Variants in PCDHA7 observed in about 807,000 individuals in gnomAD.
PCDHA7 encodes protocadherin alpha 7.
PCDHA7 carries 37 observed loss-of-function variants against 57.2 expected under a neutral mutation model. That is an observed-to-expected ratio of 0.65 (90% CI 0.50 to 0.85). The LOEUF (loss-of-function observed/expected upper bound fraction) is 0.85, where lower values mean the gene tolerates loss of function less well. Ranked by LOEUF, PCDHA7 falls within the 40% of genes least tolerant of loss-of-function variation. The pLI, the probability that PCDHA7 is intolerant of heterozygous loss-of-function variation, is 0.00. For synonymous variants in PCDHA7, 553 were observed against 558.8 expected (o/e 0.99, Z 0.15); for missense variants, 1,188 against 1,241.8 (o/e 0.96, Z 0.65).
chr5:140,843,708 G>T (rs2150365442), intron 1 of PCDHA7: 8 of 1,577,200 alleles, frequency 5.1e-6, no homozygotes, highest in African/African-American at 1.3e-5. Context: ...GTTGATCATG[G>T]CCTCAAAGTA....
intron 1 of PCDHA7, chr5:140,847,368 A>G (rs1038901012): frequency 6.7e-6 from 1 of 149,822 alleles, no homozygotes; most frequent in African/African-American, 2.4e-5. Flanking sequence ...AATACGAAAT[A>G]AAAGATAAAT....
At chr5:140,881,347 C>T in intron 1 of PCDHA7, 1 of 985,212 alleles carries the variant, frequency 1.0e-6, no homozygotes, top group Non-Finnish European at 1.2e-6. Context: ...ATTCGGGCTA[C>T]AATGCGTGGC....
At chr5:140,914,788 T>G (rs2076845575) in intron 1 of PCDHA7, among the ~76,000 whole-genome samples, 1 of 152,192 alleles carries the variant, frequency 6.6e-6, no homozygotes, top group South Asian at 2.1e-4. Context: ...TTATGACCCA[T>G]TATTTTAAAC....
At chr5:140,882,987 CG>C in intron 1 of PCDHA7, 1 of 1,614,110 alleles carries the variant, frequency 6.2e-7, no homozygotes, top group South Asian at 1.1e-5. Flanking sequence ...GACAACGCCC[CG>C]GAATTTTACC....
chr5:140,967,529 C>A, intron 1 of PCDHA7: 1 of 1,613,244 alleles, frequency 6.2e-7, no homozygotes, highest in South Asian at 1.1e-5. Context: ...CGACAACTCT[C>A]CTGCCTTTGA....
intron 1 of PCDHA7, chr5:140,968,853 A>G (rs782470050): frequency 3.7e-6 from 6 of 1,614,108 alleles, no homozygotes; most frequent in Non-Finnish European, 4.2e-6. Context: ...AGGCATGTTA[A>G]GAGCCCTCGG....
At chr5:140,987,938 C>G (rs2153869339) in intron 3 of PCDHA7, among the ~76,000 whole-genome samples, 1 of 152,208 alleles carries the variant, frequency 6.6e-6, no homozygotes, top group East Asian at 1.9e-4. Context: ...AGGATTCTTA[C>G]CTGTCTGACA....
chr5:140,891,589 C>T (rs1459113596), intron 1 of PCDHA7, among the ~76,000 whole-genome samples: 1 of 152,166 alleles, frequency 6.6e-6, no homozygotes, highest in East Asian at 1.9e-4. Context: ...TCTTATTACT[C>T]TATCCCATCT....
intron 1 of PCDHA7, chr5:140,881,443 G>A: frequency 1.2e-6 from 1 of 818,722 alleles, no homozygotes; most frequent in Non-Finnish European, 1.5e-6. Context: ...TATAAAAACA[G>A]AATCCAAAAC....
chr5:140,927,317 G>T (rs782172424), intron 1 of PCDHA7: 3 of 1,614,146 alleles, frequency 1.9e-6, no homozygotes, highest in Admixed American at 1.7e-5. Flanking sequence ...CCCGGAGCCC[G>T]CTTTACTCTC....
chr5:141,009,494 A>G (rs1554262180), intron 3 of PCDHA7, 133 bp from the exon 4 acceptor site: 16 of 1,488,800 alleles, frequency 1.1e-5, no homozygotes, highest in Non-Finnish European at 1.4e-5. Flanking sequence ...TTGCCCTCAG[A>G]CTTGAACAAA....
At chr5:140,874,492 C>G (rs1289000541) in intron 1 of PCDHA7, among the ~76,000 whole-genome samples, 2 of 152,196 alleles carry the variant, frequency 1.3e-5, no homozygotes, top group Non-Finnish European at 2.9e-5. Context: ...AGGTTGATAT[C>G]AAGTTCACAT....
chr5:140,857,420 G>A (rs2044582609), intron 1 of PCDHA7: 2 of 1,598,360 alleles, frequency 1.3e-6, no homozygotes, highest in Non-Finnish European at 1.7e-6. Flanking sequence ...CGCGCAGTCC[G>A]AGTACACGGT....
At position 140,871,095 on chromosome 5, in the gene PCDHA7, GC is replaced by G; in HGVS notation, c.2355+34358del. On this transcript the variant is annotated intron_variant, in intron 1 of 3. Coordinates refer to ENST00000525929, the MANE Select transcript of PCDHA7 (RefSeq NM_018910.3). ...CGGCGCTGACGGCCACGGCCACCGT[GC>G]TGGTGTCGTTGGTGGAGAGCGGACA... The G allele has an allele frequency of 4.3e-6, 7 of 1,613,278 alleles. No individual in the cohort carries two copies. In the South Asian group the frequency reaches 5.5e-5, roughly 13 times the overall value.
chr5:140,952,658 C>T (rs2094779074), intron 1 of PCDHA7, among the ~76,000 whole-genome samples: 1 of 152,196 alleles, frequency 6.6e-6, no homozygotes. Flanking sequence ...TACCCAGTTC[C>T]AAAGTCACTT....
chr5:140,836,667 G>T lies in PCDHA7; in HGVS notation c.2284G>T (p.Glu762Ter). The change falls in exon 1 of 4, where the codon GAG becomes TAG. Residue 762 changes from glutamate to a stop codon, truncating the protein, a stop_gained. Coordinates refer to ENST00000525929, the MANE Select transcript of PCDHA7 (RefSeq NM_018910.3). LOFTEE classifies it high-confidence loss of function. The stretch of plus-strand genomic sequence containing the variant: ...GAGGCGGCAGAGGGTGTGCTCTGGG[G>T]AGGGCCCACCCAAGACAGACCTCAT... ...QQRRQRVCSG[E>*]GPPKTDLMAF... 6.2e-7 allele frequency: 1 copy of T among 1,613,396 alleles called. No individual in the cohort carries two copies. Among genetic ancestry groups the T allele is most frequent in the Non-Finnish European group, 8.5e-7 (1 of 1,179,566 alleles).
chr5:140,857,659 C>G lies in PCDHA7; in HGVS notation c.2355+20921C>G, dbSNP rs200404988. On this transcript the variant is annotated intron_variant, in intron 1 of 3. Transcript: ENST00000525929. ...TGCTACAGTTCCAGGTGAGCGCGCG[C>G]GATGGGGGCGTGCCGCCTCTGGGCA... is the stretch of plus-strand genomic sequence containing the variant. 3.8e-6 allele frequency: 6 copies of G among 1,596,596 alleles called. No individual in the cohort carries two copies. In the Admixed American group the frequency reaches 8.4e-5, roughly 22 times the overall value.
In PCDHA7 at chr5:140,857,981, C is replaced by T. The variant is rs377577023; in HGVS notation, c.2355+21243C>T. The T allele has an allele frequency of 2.5e-6, 4 of 1,596,862 alleles. 1 individual carries two copies. The highest frequency in any genetic ancestry group is 3.4e-6 in the Non-Finnish European group (4 of 1,167,208). The stretch of plus-strand genomic sequence containing the variant: ...GGATGAGACTGACTCGCCACGCCAG[C>T]GCCTACTGGTGCTGGTGAAGGACCA... On this transcript the variant is annotated intron_variant, in intron 1 of 3. Transcript: ENST00000525929.
intron 1 of PCDHA7, among the ~76,000 whole-genome samples, chr5:140,961,071 G>GT (rs2095588240): frequency 6.6e-6 from 1 of 152,208 alleles, no homozygotes; most frequent in African/African-American, 2.4e-5. Flanking sequence ...GATATCTGGA[G>GT]TATCAAGTAA....
Sources: gnomAD v4.1 joint callset for allele counts (sites outside exome capture counted in the v4.1 genomes callset) on GRCh38, gnomAD v4.1.1 for gene constraint, MANE v1.5 for transcripts, NCBI Gene and HGNC (gene_info 2026-07-23, HGNC 2026-07-21) for gene names.